Variants in GRIK2 observed in about 807,000 individuals in gnomAD.
GRIK2 encodes glutamate receptor ionotropic, kainate 2.
Under a neutral mutation model 100.3 loss-of-function variants are expected in GRIK2, and 32 were observed. The observed-to-expected ratio is 0.32, with a 90% CI of 0.24 to 0.43. The LOEUF (loss-of-function observed/expected upper bound fraction) is 0.43. GRIK2 is among the 20% of genes least tolerant of loss of function. The pLI, the probability that GRIK2 is intolerant of heterozygous loss-of-function variation, is 1.00. For synonymous variants in GRIK2, 417 were observed against 389.4 expected (o/e 1.07, Z -0.83); for missense variants, 843 against 1,114.9 (o/e 0.76, Z 3.47).
intron 14 of GRIK2, among the ~76,000 whole-genome samples, chr6:101,967,337 T>C (rs1424385890): frequency 1.3e-5 from 2 of 152,090 alleles, no homozygotes; most frequent in East Asian, 3.8e-4. Flanking sequence ...TGATATTTTA[T>C]AGAAAATGCC....
At chr6:102,061,592 G>T (rs1257744328) in intron 16 of GRIK2, among the ~76,000 whole-genome samples, 1 of 150,406 alleles carries the variant, frequency 6.6e-6, no homozygotes, top group Non-Finnish European at 1.5e-5. Context: ...GTAAGCATGA[G>T]TTATGGAATT....
intron 11 of GRIK2, among the ~76,000 whole-genome samples, chr6:101,877,750 A>T (rs562054931): frequency 1.3e-5 from 2 of 152,034 alleles, no homozygotes; most frequent in African/African-American, 4.8e-5. Context: ...TGATACATCT[A>T]TGTTTGCTTT....
At chr6:101,988,130 TGTGCGC>T (rs1372673068) in intron 14 of GRIK2, among the ~76,000 whole-genome samples, 85 of 20,694 alleles carry the variant, frequency 4.1e-3, no homozygotes, top group Non-Finnish European at 7.1e-3. Flanking sequence ...TGTGTGTGTG[TGTGCGC>T]GCGCGCGCGC....
At chr6:101,801,368 T>C (rs1355954066) in intron 8 of GRIK2, among the ~76,000 whole-genome samples, 1 of 152,020 alleles carries the variant, frequency 6.6e-6, no homozygotes, top group Admixed American at 6.6e-5. Context: ...TTGCAATATG[T>C]TTATGAATAT....
intron 14 of GRIK2, among the ~76,000 whole-genome samples, chr6:101,976,806 T>TA (rs59638071): frequency 1.2e-3 from 172 of 144,322 alleles, no homozygotes; most frequent in East Asian, 2.1e-3. Context: ...TTTCATTGTT[T>TA]AAAAAAAAAA....
chr6:101,859,392 G>A lies in GRIK2; in HGVS notation c.1423G>A (p.Gly475Ser), dbSNP rs1582397895. The change falls in exon 11 of 17, where the codon GGC (glycine) becomes AGC (serine). Residue 475 changes from glycine (G) to serine (S), a missense_variant. Around this residue, in one of 3 missense-constraint regions of GRIK2, gnomAD observed 519 missense variants for 643.8 expected, o/e 0.81. Coordinates refer to ENST00000369134, the MANE Select transcript of GRIK2 (RefSeq NM_021956.5). ...DLLRELSTIL[G>S]FTYEIRLVED... The stretch of plus-strand genomic sequence containing the variant: ...CCTCAGAGAGTTATCTACAATCCTT[G>A]GCTTTACATATGAAATTAGACTTGT... 1.2e-6 allele frequency: 2 copies of A among 1,602,140 alleles called. No individual in the cohort carries two copies. Among genetic ancestry groups the A allele is most frequent in the Non-Finnish European group, 1.7e-6 (2 of 1,169,274 alleles).
chr6:101,558,776 A>G (rs1162867857), intron 2 of GRIK2, among the ~76,000 whole-genome samples: 2 of 150,110 alleles, frequency 1.3e-5, no homozygotes, highest in East Asian at 3.9e-4. Context: ...GATATTGTCT[A>G]CTTTGTGTCT....
At chr6:102,034,557 A>G (rs1770164105) in intron 14 of GRIK2, among the ~76,000 whole-genome samples, 2 of 151,466 alleles carry the variant, frequency 1.3e-5, no homozygotes, top group Non-Finnish European at 3.0e-5. Flanking sequence ...TTTCCTGTTT[A>G]TGTTTTACCA....
chr6:101,909,722 T>G (rs2518187), intron 12 of GRIK2, among the ~76,000 whole-genome samples: 123,928 of 149,496 alleles, frequency 0.83, 51,050 homozygotes, highest in East Asian at 0.94. Flanking sequence ...GTAAGTGTGT[T>G]TCTGTATATC....
chr6:101,802,101 C>G (rs930329083), intron 8 of GRIK2, among the ~76,000 whole-genome samples: 1 of 151,656 alleles, frequency 6.6e-6, no homozygotes, highest in Non-Finnish European at 1.5e-5. Flanking sequence ...AAAATTGTAA[C>G]TGGAAAATGC....
chr6:102,062,533 C>G lies in GRIK2; in HGVS notation c.2563-5814C>G, dbSNP rs923273181. On this transcript the variant is annotated intron_variant, in intron 16 of 16. Coordinates refer to ENST00000369134, the MANE Select transcript of GRIK2 (RefSeq NM_021956.5). ...GTGATCAGTAGGATCACGAAAGATG[C>G]TACATGTAAAGTTTCTTTTGACTGC... Among the ~76,000 whole-genome samples the G allele has an allele frequency of 4.6e-5, 7 of 150,582 alleles. No homozygotes were observed. The East Asian group carries it at 1.4e-3, about 29-fold the overall frequency.
At chr6:102,051,473 A>G (rs939582241) in intron 15 of GRIK2, among the ~76,000 whole-genome samples, 12 of 152,164 alleles carry the variant, frequency 7.9e-5, no homozygotes, top group Non-Finnish European at 1.0e-4. Flanking sequence ...AGAAAGTACC[A>G]AAGATTAGAG....
At chr6:101,883,033 A>C (rs903650059) in intron 11 of GRIK2, among the ~76,000 whole-genome samples, 4 of 151,878 alleles carry the variant, frequency 2.6e-5, no homozygotes, top group African/African-American at 9.7e-5. Context: ...TTATCCTTTT[A>C]TATGATCCCA....
chr6:101,670,462 GAT>G (rs906230629), intron 4 of GRIK2, among the ~76,000 whole-genome samples: 64 of 152,018 alleles, frequency 4.2e-4, no homozygotes, highest in Non-Finnish European at 1.5e-5. Flanking sequence ...TATTGTACCT[GAT>G]GGCTCAATGG....
At chr6:101,484,065 T>C (rs1772683923) in intron 2 of GRIK2, among the ~76,000 whole-genome samples, 1 of 152,246 alleles carries the variant, frequency 6.6e-6, no homozygotes, top group African/African-American at 2.4e-5. Context: ...ATCTTTTTTC[T>C]CTTTATAACT....
chr6:102,024,080 G>A (rs1234370767), intron 14 of GRIK2, among the ~76,000 whole-genome samples: 2 of 150,798 alleles, frequency 1.3e-5, no homozygotes, highest in African/African-American at 4.9e-5. Context: ...GTAAATTCAG[G>A]TGTTGAAAAT....
intron 2 of GRIK2, among the ~76,000 whole-genome samples, chr6:101,608,517 C>G (rs1779532434): frequency 2.6e-5 from 4 of 151,884 alleles, no homozygotes; most frequent in African/African-American, 9.6e-5. Context: ...TACAAAATTG[C>G]TTGCTCAAAG....
intron 2 of GRIK2, among the ~76,000 whole-genome samples, chr6:101,404,413 T>C (rs1775493184): frequency 6.6e-6 from 1 of 152,226 alleles, no homozygotes; most frequent in Non-Finnish European, 1.5e-5. Context: ...TAATTTCTGA[T>C]AAAGAAAATG....
At chr6:101,542,516 A>G (rs1490201317) in intron 2 of GRIK2, among the ~76,000 whole-genome samples, 1 of 152,110 alleles carries the variant, frequency 6.6e-6, no homozygotes, top group Non-Finnish European at 1.5e-5. Flanking sequence ...TTTAGAAGAA[A>G]TTGTAGCATC....
Sources: gnomAD v4.1 joint callset for allele counts (sites outside exome capture counted in the v4.1 genomes callset) on GRCh38, gnomAD v4.1.1 for gene constraint, gnomAD v4.1.1 regional missense constraint, MANE v1.5 for transcripts, NCBI Gene and HGNC (gene_info 2026-07-23, HGNC 2026-07-21) for gene names.